Variants in FLACC1 observed in about 807,000 individuals in gnomAD.
FLACC1 encodes flagellum-associated coiled-coil domain-containing protein 1.
In FLACC1, 66 loss-of-function variants were observed where a neutral mutation model predicts 62.8. The ratio of observed to expected loss-of-function variants is 1.05; its 90% confidence interval spans 0.86 to 1.29. The LOEUF is 1.29. Among genes scored for constraint, FLACC1 ranks in the 50% most tolerant of loss-of-function variants. The pLI is 0.00. For missense variants in FLACC1, 452 were observed against 489.1 expected (o/e 0.92, Z 0.71); for synonymous variants, 156 against 161.0 (o/e 0.97, Z 0.24).
chr2:201,347,706 C>T (rs1167826526), intron 4 of FLACC1, among the ~76,000 whole-genome samples: 3 of 152,054 alleles, frequency 2.0e-5, no homozygotes, highest in South Asian at 2.1e-4. Context: ...GATTACATCC[C>T]ACCAAAGGGT....
At chr2:201,289,105 A>T (rs1436294986) in intron 14 of FLACC1, among the ~76,000 whole-genome samples, 1 of 152,244 alleles carries the variant, frequency 6.6e-6, no homozygotes, top group East Asian at 1.9e-4. Context: ...AACCAGAAGC[A>T]GCTGCATGTA....
chr2:201,342,275 G>T, intron 7 of FLACC1, 95 bp downstream of exon 7: 1 of 1,256,746 alleles, frequency 8.0e-7, no homozygotes, highest in Non-Finnish European at 1.1e-6. Context: ...ACTCCATTTA[G>T]AACTATTTGA....
At chr2:201,315,737 C>T (rs1950296210) in intron 9 of FLACC1, among the ~76,000 whole-genome samples, 1 of 152,144 alleles carries the variant, frequency 6.6e-6, no homozygotes, top group African/African-American at 2.4e-5. Context: ...TTCTATCCAA[C>T]AACCCCAGAA....
intron 12 of FLACC1, among the ~76,000 whole-genome samples, chr2:201,295,509 T>C (rs1407882181): frequency 1.3e-5 from 2 of 152,100 alleles, no homozygotes; most frequent in Non-Finnish European, 2.9e-5. Flanking sequence ...CAAAAATTAA[T>C]TCAAGATGGA....
intron 7 of FLACC1, among the ~76,000 whole-genome samples, chr2:201,340,114 C>T (rs1950777438): frequency 1.3e-5 from 2 of 152,140 alleles, no homozygotes; most frequent in Admixed American, 1.3e-4. Flanking sequence ...GGGAGGAGTG[C>T]TCATGTGCCT....
chr2:201,319,456 G>T (rs1283748499), intron 9 of FLACC1, among the ~76,000 whole-genome samples: 1 of 152,098 alleles, frequency 6.6e-6, no homozygotes, highest in African/African-American at 2.4e-5. Context: ...CCTTGGGAAA[G>T]AATTTATGAC....
In FLACC1 at chr2:201,346,462, G is replaced by A. The variant is rs368536012; in HGVS notation, c.368+80C>T. 333 of 1,583,352 alleles carry A rather than the reference G, an allele frequency of 2.1e-4. No homozygotes were observed. The highest frequency in any genetic ancestry group is 6.9e-4 in the Admixed American group (41 of 59,306). ...CCAGTGGCCTGGGTGTGGGCATAGC[G>A]GCTTTGGCTTGTCCCTGAGGCCGGG... is the stretch of plus-strand genomic sequence containing the variant. On this transcript the variant is annotated intron_variant, in intron 5 of 14. Transcript: ENST00000392257. The surrounding 1 kb of genome is among the most constrained non-coding windows in gnomAD (Gnocchi z 4.0).
At position 201,346,715 on chromosome 2, in the gene FLACC1, G is replaced by C; in HGVS notation, c.235-40C>G. 6.2e-7 allele frequency: 1 copy of C among 1,612,238 alleles called. No homozygotes were observed. The highest frequency in any genetic ancestry group is 1.3e-5 in the African/African-American group (1 of 75,000). ...AAAGTAAGATAAAATGGCAGACTTG[G>C]AGTGCTGAGATTTTTCCAAATCTTC... On this transcript the variant is annotated intron_variant, in intron 4 of 14. Coordinates refer to ENST00000392257, the MANE Select transcript of FLACC1 (RefSeq NM_001127391.3). The surrounding 1 kb of genome is among the most constrained non-coding windows in gnomAD (Gnocchi z 4.0).
chr2:201,327,635 G>T (rs1320445620), intron 9 of FLACC1, among the ~76,000 whole-genome samples: 1 of 152,114 alleles, frequency 6.6e-6, no homozygotes, highest in East Asian at 1.9e-4. Flanking sequence ...TGCAAGAATG[G>T]TCATTATTAA....
intron 1 of FLACC1, among the ~76,000 whole-genome samples, chr2:201,353,035 T>C (rs1421491838): frequency 6.6e-6 from 1 of 152,210 alleles, no homozygotes; most frequent in East Asian, 1.9e-4. Flanking sequence ...CATTTTGGAC[T>C]TTGACTTTCA....
rs763813813 is a variant in FLACC1, at chr2:201,330,788, G to T, written c.570C>A (p.Asn190Lys). Residue 190 changes from asparagine to lysine, a missense_variant, in exon 8 of 15, where the codon AAC (asparagine) becomes AAA (lysine). Asn to Lys is a moderately conservative substitution (Grantham distance 94, BLOSUM62 0). Around this residue, in one of 3 missense-constraint regions of FLACC1, gnomAD observed 301 missense variants for 318.4 expected, o/e 0.95. Transcript: ENST00000392257. ...AHEAELSELENNYKAALKAEK... is the reference protein window; with the variant it reads ...AHEAELSELEKNYKAALKAEK... ...CTGCCTTCAAGGCTGCTTTGTAGTT[G>T]TTCTCCAACTCACTGAGTTCTGCTT... The T allele has an allele frequency of 6.2e-7, 1 of 1,613,830 alleles. No individual in the cohort carries two copies.
At chr2:201,294,292 A>G (rs1372484313) in intron 12 of FLACC1, among the ~76,000 whole-genome samples, 1 of 152,224 alleles carries the variant, frequency 6.6e-6, no homozygotes, top group Non-Finnish European at 1.5e-5. Flanking sequence ...GGCAAACCAA[A>G]TATAGCAGCA....
chr2:201,352,560 C>T (rs1020471040), intron 1 of FLACC1, among the ~76,000 whole-genome samples: 3 of 152,172 alleles, frequency 2.0e-5, no homozygotes, highest in African/African-American at 7.2e-5. Context: ...CTAGGGCTCT[C>T]TCCATAGCTC....
intron 10 of FLACC1, among the ~76,000 whole-genome samples, chr2:201,308,338 A>C (rs768885442): frequency 6.6e-6 from 1 of 152,190 alleles, no homozygotes; most frequent in Non-Finnish European, 1.5e-5. Flanking sequence ...AGACAGGAGC[A>C]GCTCCCCCTC....
In FLACC1 at chr2:201,288,760, A is replaced by ATTC. The variant is rs749130231; in HGVS notation, c.1161_1163dup (p.Lys387dup). The ATTC allele has an allele frequency of 6.0e-5, 97 of 1,613,610 alleles. No homozygotes were observed. Among genetic ancestry groups the ATTC allele is most frequent in the Non-Finnish European group, 8.1e-5 (96 of 1,179,974 alleles). On this transcript the variant is annotated inframe_insertion, in exon 15 of 15. Coordinates refer to ENST00000392257, the MANE Select transcript of FLACC1 (RefSeq NM_001127391.3). ...CAGAACATCCTTCACAAATTTCTTC[A>ATTC]TTCTTAGAAATTATCTTTTGCCTGT...
At position 201,344,267 on chromosome 2, in the gene FLACC1, TAGG is replaced by T. The variant is rs1358086439; in HGVS notation, c.369-7_369-5del. ...TAGGTCAGAAATGATGTTGGTCCTG[TAGG>T]AGAAGTAATTCTTCTATCATCCACA... On this transcript the variant is annotated splice_polypyrimidine_tract_variant and splice_region_variant and intron_variant, in intron 5 of 14. Transcript: ENST00000392257. 4 of 1,602,102 alleles carry T rather than the reference TAGG, an allele frequency of 2.5e-6. No homozygotes were observed. The highest frequency in any genetic ancestry group is 1.1e-5 in the South Asian group (1 of 90,756).
chr2:201,362,731 A>C, the FLACC1 span, among the ~76,000 whole-genome samples: 1 of 152,190 alleles, frequency 6.6e-6, no homozygotes, highest in Non-Finnish European at 1.5e-5. Context: ...ATTTTCCCAG[A>C]CTCAGGACTG....
chr2:201,347,260 C>T (rs1269744638), intron 4 of FLACC1, among the ~76,000 whole-genome samples: 1 of 152,226 alleles, frequency 6.6e-6, no homozygotes, highest in Non-Finnish European at 1.5e-5. Flanking sequence ...AAGGCTGGGG[C>T]TCTGAGAGCT....
At chr2:201,297,874 A>C (rs937685945) in intron 12 of FLACC1, among the ~76,000 whole-genome samples, 2 of 152,130 alleles carry the variant, frequency 1.3e-5, no homozygotes, top group Non-Finnish European at 2.9e-5. Flanking sequence ...GCACCTTCTG[A>C]GAAGGTGGCA....
Sources: gnomAD v4.1 joint callset for allele counts (sites outside exome capture counted in the v4.1 genomes callset) on GRCh38, gnomAD v4.1.1 for gene constraint, gnomAD v4.1.1 regional missense constraint, Gnocchi (gnomAD v3.1) non-coding constraint, MANE v1.5 for transcripts, NCBI Gene and HGNC (gene_info 2026-07-23, HGNC 2026-07-21) for gene names.